Variants in MAGI2 observed in about 807,000 individuals in gnomAD.
MAGI2 encodes membrane-associated guanylate kinase, WW and PDZ domain-containing protein 2.
A neutral mutation model predicts 133.3 loss-of-function variants in MAGI2; 35 were observed. The observed-to-expected ratio is 0.26, with a 90% CI of 0.20 to 0.35. MAGI2 has a LOEUF of 0.35. Ranked by LOEUF, MAGI2 falls within the 10% of genes least tolerant of loss-of-function variation. The probability of loss-of-function intolerance (pLI) is 1.00; values close to 1 mark genes in which losing one functional copy is unlikely to be tolerated. For synonymous variants in MAGI2, 729 were observed against 710.6 expected (o/e 1.03, Z -0.41); for missense variants, 1,636 against 1,863.4 (o/e 0.88, Z 2.25).
At chr7:79,198,977 C>G (rs1470978898) in intron 1 of MAGI2, among the ~76,000 whole-genome samples, 1 of 151,758 alleles carries the variant, frequency 6.6e-6, no homozygotes, top group Non-Finnish European at 1.5e-5. Context: ...TTCCAAAGAC[C>G]TACTTTCTGG....
At chr7:78,776,956 C>G (rs1453840971) in intron 2 of MAGI2, among the ~76,000 whole-genome samples, 1 of 152,172 alleles carries the variant, frequency 6.6e-6, no homozygotes. Context: ...TTTGGGCTGG[C>G]AGCTATGGTG....
chr7:79,272,988 C>T (rs1257426153), intron 1 of MAGI2, among the ~76,000 whole-genome samples: 2 of 152,054 alleles, frequency 1.3e-5, no homozygotes, highest in Non-Finnish European at 2.9e-5. Flanking sequence ...TAATTTTGGT[C>T]TCTCTATTAA....
intron 1 of MAGI2, among the ~76,000 whole-genome samples, chr7:79,045,573 A>C (rs1314050965): frequency 6.6e-6 from 1 of 152,146 alleles, no homozygotes; most frequent in East Asian, 1.9e-4. Context: ...CAGGCGGATC[A>C]CGAGGTCAGG....
chr7:78,109,573 A>C (rs1277923612), intron 20 of MAGI2, among the ~76,000 whole-genome samples: 2 of 152,112 alleles, frequency 1.3e-5, no homozygotes, highest in Non-Finnish European at 2.9e-5. Flanking sequence ...TGGAGGTTGC[A>C]GTGAGCTGAG....
intron 3 of MAGI2, among the ~76,000 whole-genome samples, chr7:78,586,600 ATTGTTT>A (rs1803444042): frequency 6.6e-6 from 1 of 152,104 alleles, no homozygotes; most frequent in Admixed American, 6.5e-5. Flanking sequence ...AATTTGCCAT[ATTGTTT>A]TTAAGTATAC....
chr7:78,727,432 T>C (rs1281969124), intron 2 of MAGI2, among the ~76,000 whole-genome samples: 3 of 152,226 alleles, frequency 2.0e-5, no homozygotes, highest in Admixed American at 6.5e-5. Context: ...CAAAATGTAA[T>C]ATGATCCTAT....
At position 78,070,573 on chromosome 7, in the gene MAGI2, TG is replaced by T. The variant is rs1264396222; in HGVS notation, c.3706+8373del. On this transcript the variant is annotated intron_variant, in intron 21 of 21. Coordinates refer to ENST00000354212, the MANE Select transcript of MAGI2 (RefSeq NM_012301.4). ...ATGTGTATATATGTATATATATGTG[TG>T]TATATATGTGTATATATATGTGTAT... Among the ~76,000 whole-genome samples the T allele has an allele frequency of 3.2e-4, 30 of 93,164 alleles. No individual in the cohort carries two copies. In the East Asian group the frequency reaches 9.8e-3, roughly 30 times the overall value. The allele number at this position is 93,164 out of a possible 152,430, so 61.1% of individuals were successfully genotyped here.
At chr7:78,320,904 T>C (rs1787928526) in intron 9 of MAGI2, among the ~76,000 whole-genome samples, 1 of 152,200 alleles carries the variant, frequency 6.6e-6, no homozygotes, top group Admixed American at 6.5e-5. Context: ...CTCCTTAAGC[T>C]GATAAGCAAC....
At chr7:78,072,743 C>T (rs758251914) in intron 21 of MAGI2, 18 of 395,928 alleles carry the variant, frequency 4.5e-5, no homozygotes, top group South Asian at 4.3e-4. Context: ...TGCAGTGGCA[C>T]GATCATGGCT....
At chr7:78,268,281 A>G (rs1383595935) in intron 9 of MAGI2, among the ~76,000 whole-genome samples, 1 of 152,128 alleles carries the variant, frequency 6.6e-6, no homozygotes, top group Non-Finnish European at 1.5e-5. Context: ...GAAAAGCAAA[A>G]TTTTGGATAT....
chr7:78,878,322 C>T (rs748313672), intron 2 of MAGI2, among the ~76,000 whole-genome samples: 34 of 152,092 alleles, frequency 2.2e-4, no homozygotes, highest in Admixed American at 1.9e-3. Context: ...AATGAGGAGT[C>T]CTGCGTTTTC....
chr7:78,719,513 C>T (rs1469562718), intron 2 of MAGI2, among the ~76,000 whole-genome samples: 2 of 152,188 alleles, frequency 1.3e-5, no homozygotes, highest in African/African-American at 4.8e-5. Flanking sequence ...GTGATAGAAA[C>T]CACTACGTTT....
chr7:78,034,735 C>T (rs976984152), intron 21 of MAGI2, among the ~76,000 whole-genome samples: 1 of 152,134 alleles, frequency 6.6e-6, no homozygotes, highest in Non-Finnish European at 1.5e-5. Flanking sequence ...ACCATGTTGG[C>T]CAGGCTGGTC....
chr7:78,312,227 CA>C (rs1293903545), intron 9 of MAGI2, among the ~76,000 whole-genome samples: 4 of 136,432 alleles, frequency 2.9e-5, no homozygotes, highest in East Asian at 1.9e-4. Flanking sequence ...TATTTTGAAA[CA>C]TTTTTTTTCT....
At chr7:78,671,354 C>G (rs908410488) in intron 2 of MAGI2, among the ~76,000 whole-genome samples, 11 of 150,114 alleles carry the variant, frequency 7.3e-5, no homozygotes, top group African/African-American at 2.5e-4. Context: ...CTCAGAGAAA[C>G]AAGGAAAAAT....
chr7:79,365,934 T>A (rs1585719821), intron 1 of MAGI2, among the ~76,000 whole-genome samples: 1 of 126,400 alleles, frequency 7.9e-6, no homozygotes, highest in Non-Finnish European at 1.7e-5. Context: ...GAATTGCCAG[T>A]AAATTAGGTT....
At chr7:79,379,165 A>G (rs1195640374) in intron 1 of MAGI2, among the ~76,000 whole-genome samples, 1 of 148,860 alleles carries the variant, frequency 6.7e-6, no homozygotes, top group South Asian at 2.1e-4. Context: ...CCTGTGTCCA[A>G]GTGTTCTCAT....
At chr7:79,425,097 A>G (rs1224032573) in intron 1 of MAGI2, among the ~76,000 whole-genome samples, 1 of 152,014 alleles carries the variant, frequency 6.6e-6, no homozygotes, top group Non-Finnish European at 1.5e-5. Context: ...AAAATAGAAA[A>G]AAAATTAGCT....
At chr7:78,140,664 T>C in intron 16 of MAGI2, among the ~76,000 whole-genome samples, 1 of 152,224 alleles carries the variant, frequency 6.6e-6, no homozygotes, top group East Asian at 1.9e-4. Context: ...GTTGGATAAT[T>C]CCAGTTGCTT....
Sources: gnomAD v4.1 joint callset for allele counts (sites outside exome capture counted in the v4.1 genomes callset) on GRCh38, gnomAD v4.1.1 for gene constraint, MANE v1.5 for transcripts, NCBI Gene and HGNC (gene_info 2026-07-23, HGNC 2026-07-21) for gene names.